SPRYD7: variants seen among roughly 807,000 people sequenced by gnomAD.
SPRYD7 encodes SPRY domain-containing protein 7.
Under a neutral mutation model 23.8 loss-of-function variants are expected in SPRYD7, and 14 were observed. The ratio of observed to expected loss-of-function variants is 0.59; its 90% CI spans 0.39 to 0.92. SPRYD7 has a LOEUF of 0.92. Among genes scored for constraint, SPRYD7 ranks in the 40% least tolerant of loss-of-function variants. SPRYD7 has a pLI of 0.00. For missense variants in SPRYD7, 194 were observed against 241.7 expected (o/e 0.80, Z 1.31); for synonymous variants, 75 against 84.9 (o/e 0.88, Z 0.64).
At chr13:49,932,386 G>A (rs538155806) in intron 1 of SPRYD7, among the ~76,000 whole-genome samples, 30 of 152,142 alleles carry the variant, frequency 2.0e-4, no homozygotes, top group South Asian at 4.1e-4. Context: ...CTTTATTCTC[G>A]TAGAAAATTT....
Position 49,915,060 on chromosome 13 carries a change from C to A in SPRYD7, c.*3G>T. Reference sequence around the variant, plus strand: ...GAAATACAAGTTTTAAAAACAAATACATTCAGAAGATTTGCTGTTCAAATA... The same window carrying A: ...GAAATACAAGTTTTAAAAACAAATAAATTCAGAAGATTTGCTGTTCAAATA... On this transcript the variant is annotated 3_prime_UTR_variant, in exon 5 of 5. Transcript: ENST00000361840. 1.3e-6 allele frequency: 2 copies of A among 1,521,922 alleles called. No homozygotes were observed. Among genetic ancestry groups the A allele is most frequent in the Non-Finnish European group, 8.9e-7 (1 of 1,119,642 alleles). 94.3% of individuals were successfully genotyped at this position (1,521,922 alleles called of 1,614,324 possible).
intron 4 of SPRYD7, among the ~76,000 whole-genome samples, chr13:49,918,403 C>CTTTTTTT (rs11436488): frequency 7.0e-5 from 10 of 143,038 alleles, no homozygotes; most frequent in Non-Finnish European, 1.1e-4. Flanking sequence ...TAAATTAGTT[C>CTTTTTTT]TTTTTTTTTT....
At chr13:49,916,157 A>G (rs1189504297) in intron 4 of SPRYD7, among the ~76,000 whole-genome samples, 1 of 152,180 alleles carries the variant, frequency 6.6e-6, no homozygotes, top group Non-Finnish European at 1.5e-5. Flanking sequence ...AAGCAAAGCA[A>G]GTAAATAATC....
intron 4 of SPRYD7, among the ~76,000 whole-genome samples, chr13:49,920,773 C>T (rs533077044): frequency 6.6e-6 from 1 of 152,140 alleles, no homozygotes; most frequent in East Asian, 1.9e-4. Context: ...CCAGCCTGGC[C>T]AACATGGTGA....
At position 49,930,941 on chromosome 13, in the gene SPRYD7, C is replaced by T; in HGVS notation, c.223+77G>A. 3 of 887,412 alleles carry T rather than the reference C, an allele frequency of 3.4e-6. No homozygotes were observed. The South Asian group carries it at 5.4e-5, about 16-fold the overall frequency. The allele number at this position is 887,412 out of a possible 1,614,324, so 55.0% of individuals were successfully genotyped here. On this transcript the variant is annotated intron_variant, in intron 2 of 4. Transcript: ENST00000361840. ...GGTGCTTTTATATTACCTTCTGAAT[C>T]TTTTTTATGTGTTACAAATTACTCT...
At position 49,919,058 on chromosome 13, in the gene SPRYD7, G is replaced by A. The variant is rs575311394; in HGVS notation, c.493+2420C>T. 2.0e-4 allele frequency among the ~76,000 whole-genome samples: 30 copies of A among 152,076 alleles called. No homozygotes were observed. The East Asian group carries it at 4.7e-3, about 24-fold the overall frequency. ...AACCCAAATTTAAGAACTTAAATGA[G>A]AAAATATTTTTAGACTTACAAAACC... is the stretch of plus-strand genomic sequence containing the variant. On this transcript the variant is annotated intron_variant, in intron 4 of 4. Coordinates refer to ENST00000361840, the MANE Select transcript of SPRYD7 (RefSeq NM_020456.4).
chr13:49,927,490 T>C (rs1000470058), intron 3 of SPRYD7, among the ~76,000 whole-genome samples: 2 of 141,948 alleles, frequency 1.4e-5, no homozygotes, highest in African/African-American at 5.2e-5. Context: ...AGCGAGACTC[T>C]AAGAAAAAAA....
intron 2 of SPRYD7, among the ~76,000 whole-genome samples, chr13:49,929,111 C>T (rs763144497): frequency 6.6e-6 from 1 of 152,142 alleles, no homozygotes; most frequent in Non-Finnish European, 1.5e-5. Flanking sequence ...GCTGGAATTA[C>T]AGGTGTAAGC....
intron 2 of SPRYD7, among the ~76,000 whole-genome samples, chr13:49,928,853 A>G (rs150584497): frequency 6.6e-6 from 1 of 152,340 alleles, no homozygotes; most frequent in African/African-American, 2.4e-5. Flanking sequence ...TCTCCCTTTG[A>G]AAAGTGGGAA....
At position 49,927,938 on chromosome 13, in the gene SPRYD7, G is replaced by C; in HGVS notation, c.371C>G (p.Pro124Arg). ...EKNRLPANSL[P>R]QEGDVVGITY... ...ACTCACCACCACATCTCCTTCCTGCGGAAGACTGTTTGCTGGCAGCCTATT... is the reference window on the plus strand; with the variant it reads ...ACTCACCACCACATCTCCTTCCTGCCGAAGACTGTTTGCTGGCAGCCTATT... The change falls in exon 3 of 5, where the codon CCG becomes CGG. Residue 124 changes from proline (P) to arginine (R), a missense_variant. Pro to Arg is a moderately radical substitution (Grantham distance 103). Coordinates refer to ENST00000361840, the MANE Select transcript of SPRYD7 (RefSeq NM_020456.4). 2 of 1,614,148 alleles carry C rather than the reference G, an allele frequency of 1.2e-6. No homozygotes were observed. The highest frequency in any genetic ancestry group is 2.2e-5 in the South Asian group (2 of 91,076).
chr13:49,927,967 C>T lies in SPRYD7; in HGVS notation c.342G>A (p.Glu114=). The T allele has an allele frequency of 6.2e-7, 1 of 1,614,196 alleles. No homozygotes were observed. The highest frequency in any genetic ancestry group is 8.5e-7 in the Non-Finnish European group (1 of 1,180,026). ...GACTGTTTGCTGGCAGCCTATTTTT[C>T]TCTTCATTGTTGTGGTAAAGGGCTC... The part of the protein sequence containing the change: ...NDGALYHNNE[E]KNRLPANSLP... The change falls in exon 3 of 5, where the codon GAG becomes GAA. Residue 114 remains glutamate, a synonymous_variant. Transcript: ENST00000361840.
chr13:49,919,343 A>G (rs1012163893), intron 4 of SPRYD7, among the ~76,000 whole-genome samples: 4 of 152,092 alleles, frequency 2.6e-5, no homozygotes, highest in African/African-American at 9.7e-5. Flanking sequence ...CAAGAGATCA[A>G]GACCATCCTG....
At chr13:49,929,745 C>A (rs997235569) in intron 2 of SPRYD7, among the ~76,000 whole-genome samples, 1 of 151,440 alleles carries the variant, frequency 6.6e-6, no homozygotes, top group Non-Finnish European at 1.5e-5. Flanking sequence ...TCCACCCCCT[C>A]GGCCTCCCAA....
At chr13:49,923,961 T>TC (rs1262469542) in intron 3 of SPRYD7, among the ~76,000 whole-genome samples, 1 of 151,920 alleles carries the variant, frequency 6.6e-6, no homozygotes, top group Non-Finnish European at 1.5e-5. Context: ...TCTTGGTTTT[T>TC]GTTTTTGTTT....
chr13:49,929,365 A>G (rs1251779278), intron 2 of SPRYD7, among the ~76,000 whole-genome samples: 1 of 152,316 alleles, frequency 6.6e-6, no homozygotes, highest in South Asian at 2.1e-4. Context: ...GGGAAATTTT[A>G]TATCATTCAA....
intron 2 of SPRYD7, among the ~76,000 whole-genome samples, chr13:49,929,273 G>A (rs764006568): frequency 2.0e-5 from 3 of 152,136 alleles, no homozygotes; most frequent in Non-Finnish European, 4.4e-5. Flanking sequence ...TCATGCCACT[G>A]CACTCCAGCC....
rs41284806 is a variant in SPRYD7, at chr13:49,913,794, G to A, written c.*1269C>T. The A allele has an allele frequency of 0.038, 5,808 of 152,238 alleles. 180 individuals carry two copies. Among genetic ancestry groups the A allele is most frequent in the Non-Finnish European group, 0.051 (3,450 of 68,060 alleles). The allele number at this position is 152,238 out of a possible 1,614,324, so 9.4% of individuals were successfully genotyped here. ...TCCCGCCTCAGCCTCCCAAAGTGCT[G>A]GGATTACAGGTGTGAGCCACCGCGC... On this transcript the variant is annotated 3_prime_UTR_variant, in exon 5 of 5. Coordinates refer to ENST00000361840, the MANE Select transcript of SPRYD7 (RefSeq NM_020456.4).
intron 1 of SPRYD7, among the ~76,000 whole-genome samples, chr13:49,934,489 A>G (rs1815946852): frequency 7.4e-6 from 1 of 135,794 alleles, no homozygotes; most frequent in Non-Finnish European, 1.5e-5. Context: ...CGGGAGGCGG[A>G]GGTTGCAGTG....
chr13:49,936,286 C>T lies in SPRYD7; in HGVS notation c.-51G>A, dbSNP rs767388795. On this transcript the variant is annotated 5_prime_UTR_variant, in exon 1 of 5. Transcript: ENST00000361840. Reference sequence around the variant, plus strand: ...CCGTCCCTAGACCGAGGCGACACTGCCCCCCGCCGCTCAGCTCCGTCTCCT... The same window carrying T: ...CCGTCCCTAGACCGAGGCGACACTGTCCCCCGCCGCTCAGCTCCGTCTCCT... The T allele has an allele frequency of 1.6e-5, 21 of 1,344,128 alleles. No individual in the cohort carries two copies. The highest frequency in any genetic ancestry group is 4.1e-5 in the Admixed American group (2 of 48,954). 83.3% of individuals were successfully genotyped at this position (1,344,128 alleles called of 1,614,324 possible).
Sources: gnomAD v4.1 joint callset for allele counts (sites outside exome capture counted in the v4.1 genomes callset) on GRCh38, gnomAD v4.1.1 for gene constraint, MANE v1.5 for transcripts, NCBI Gene and HGNC (gene_info 2026-07-23, HGNC 2026-07-21) for gene names.